Variants in ITGA6 observed in about 807,000 individuals in gnomAD.
ITGA6 encodes the protein integrin alpha-6.
In ITGA6, 63 loss-of-function variants were observed where a neutral mutation model predicts 133.6. The ratio of observed to expected loss-of-function variants is 0.47; its 90% confidence interval spans 0.38 to 0.58. The LOEUF is 0.58. Ranked by LOEUF, ITGA6 falls within the 20% of genes least tolerant of loss-of-function variation. The pLI is 0.00. For missense variants in ITGA6, 1,068 were observed against 1,309.4 expected, an observed-to-expected ratio of 0.82 and a Z score of 2.85; for synonymous variants, 434 against 482.0, an observed-to-expected ratio of 0.90 and a Z score of 1.30.
chr2:172,472,799 C>G, intron 5 of ITGA6: 2 of 1,612,336 alleles, frequency 1.2e-6, no homozygotes, highest in Non-Finnish European at 1.7e-6. Context: ...CCAGCGTTTC[C>G]TATACAGATC....
At chr2:172,440,680 C>A (rs796100364) in intron 1 of ITGA6, among the ~76,000 whole-genome samples, 1 of 152,234 alleles carries the variant, frequency 6.6e-6, no homozygotes, top group South Asian at 2.1e-4. Context: ...TTTTCCAATC[C>A]GGTTAAGGAC....
At chr2:172,435,002 G>A (rs1241400233) in intron 1 of ITGA6, among the ~76,000 whole-genome samples, 3 of 150,790 alleles carry the variant, frequency 2.0e-5, no homozygotes, top group African/African-American at 7.4e-5. Flanking sequence ...TGAAAAGGAA[G>A]TTCATTTGTA....
Position 172,480,040 on chromosome 2 carries a change from A to G in ITGA6, c.1538A>G (p.Asn513Ser), listed in dbSNP as rs1363241248. Residue 513 changes from asparagine to serine, a missense_variant, in exon 11 of 26, where the codon AAT becomes AGT. Physicochemically the swap from Asn to Ser is conservative, Grantham distance 46 (BLOSUM62 1). This residue lies in a region of ITGA6 where 609 missense variants were observed against 707.2 expected (regional missense o/e 0.86). Coordinates refer to ENST00000684293, the MANE Select transcript of ITGA6 (RefSeq NM_000210.4). ...FEYTANPAGY[N>S]PSISIVGTLE... ...TATACTGCTAACCCCGCTGGTTATAATCCTTCAATATGTAAGTACCTAGTA... is the reference window on the plus strand; with the variant it reads ...TATACTGCTAACCCCGCTGGTTATAGTCCTTCAATATGTAAGTACCTAGTA... 1.3e-6 allele frequency: 2 copies of G among 1,557,248 alleles called. No homozygotes were observed. Among genetic ancestry groups the G allele is most frequent in the Admixed American group, 1.7e-5 (1 of 59,966 alleles).
chr2:172,495,175 G>A (rs1348965536), intron 23 of ITGA6, among the ~76,000 whole-genome samples: 1 of 152,206 alleles, frequency 6.6e-6, no homozygotes, highest in African/African-American at 2.4e-5. Context: ...CAGTTGACAA[G>A]CTAATGTAGT....
chr2:172,469,940 A>G (rs1176731329), intron 4 of ITGA6, among the ~76,000 whole-genome samples: 1 of 152,170 alleles, frequency 6.6e-6, no homozygotes, highest in Non-Finnish European at 1.5e-5. Context: ...GATTATTGTG[A>G]TGTGAGTAAA....
Position 172,505,961 on chromosome 2 carries a change from T to TA in ITGA6, c.*1901dup, listed in dbSNP as rs139972066. 0.047 allele frequency: 7,095 copies of TA among 152,358 alleles called. 279 individuals are homozygous for TA. Among genetic ancestry groups the TA allele is most frequent in the East Asian group, 0.22 (1,111 of 5,156 alleles). 9.4% of individuals were successfully genotyped at this position (152,358 alleles called of 1,614,324 possible). Reference sequence around the variant, plus strand: ...GACAGTGTTTTTAGACCTGTGTTACTAAAAAAAAGATGAATGTCCTGAAAA... The same window carrying TA: ...GACAGTGTTTTTAGACCTGTGTTACTAAAAAAAAAGATGAATGTCCTGAAAA... On this transcript the variant is annotated 3_prime_UTR_variant, in exon 26 of 26. Coordinates refer to ENST00000684293, the MANE Select transcript of ITGA6 (RefSeq NM_000210.4).
intron 6 of ITGA6, among the ~76,000 whole-genome samples, chr2:172,474,621 G>A (rs548616400): frequency 1.3e-5 from 2 of 152,330 alleles, no homozygotes; most frequent in East Asian, 1.9e-4. Context: ...AGGAATTGGT[G>A]ATAAAGTAAA....
At chr2:172,450,512 T>A (rs2149015404) in intron 1 of ITGA6, among the ~76,000 whole-genome samples, 1 of 152,282 alleles carries the variant, frequency 6.6e-6, no homozygotes, top group East Asian at 1.9e-4. Flanking sequence ...GGAAAGGAAC[T>A]ACTGAGAAGT....
At chr2:172,443,339 TA>T (rs1298754807) in intron 1 of ITGA6, among the ~76,000 whole-genome samples, 1 of 152,248 alleles carries the variant, frequency 6.6e-6, no homozygotes, top group African/African-American at 2.4e-5. Flanking sequence ...GGTATTCAGA[TA>T]ATTTCTAATC....
chr2:172,497,939 G>A lies in ITGA6; in HGVS notation c.2989-36G>A, dbSNP rs745631576. On this transcript the variant is annotated intron_variant, in intron 23 of 25. Coordinates refer to ENST00000684293, the MANE Select transcript of ITGA6 (RefSeq NM_000210.4). ...ACTCCTGGTGTGAACTCTTGCCGCTGTATGTAGTAATGCTGCTTTCTTTTC... is the reference window on the plus strand; with the variant it reads ...ACTCCTGGTGTGAACTCTTGCCGCTATATGTAGTAATGCTGCTTTCTTTTC... The A allele has an allele frequency of 9.3e-6, 15 of 1,612,604 alleles. No individual in the cohort carries two copies. The South Asian group carries it at 1.5e-4, about 17-fold the overall frequency.
intron 1 of ITGA6, among the ~76,000 whole-genome samples, chr2:172,463,941 C>T (rs1048209620): frequency 2.1e-4 from 32 of 152,230 alleles, no homozygotes; most frequent in African/African-American, 6.3e-4. Context: ...GTGGCCCCGG[C>T]CTTGCCTCTG....
Position 172,489,562 on chromosome 2 carries a change from T to G in ITGA6, c.2583T>G (p.Asn861Lys). ...TTCAGTGGCCAAAAGAAATTAGCAA[T>G]GGGAAATGGTTGCTTTATTTGGTGA... ...LNIQWPKEISNGKWLLYLVKV... is the reference protein window; with the variant it reads ...LNIQWPKEISKGKWLLYLVKV... Residue 861 changes from asparagine to lysine, a missense_variant, in exon 20 of 26, where the codon AAT becomes AAG. Around this residue, in one of 3 missense-constraint regions of ITGA6, gnomAD observed 609 missense variants for 707.2 expected, o/e 0.86. Transcript: ENST00000684293. The G allele has an allele frequency of 1.9e-6, 3 of 1,613,906 alleles. No individual in the cohort carries two copies. Among genetic ancestry groups the G allele is most frequent in the Non-Finnish European group, 1.7e-6 (2 of 1,179,828 alleles).
rs201690159 is a variant in ITGA6 at position 172,495,020 on chromosome 2, A to G, written c.2989-2955A>G. Reference sequence around the variant, plus strand: ...TTTATAAGATGGCCTGTTATATGATAAACACCAAGAGTGGATGATGTCCTT... The same window carrying G: ...TTTATAAGATGGCCTGTTATATGATGAACACCAAGAGTGGATGATGTCCTT... On this transcript the variant is annotated intron_variant, in intron 23 of 25. Transcript: ENST00000684293. Among the ~76,000 whole-genome samples the G allele has an allele frequency of 1.2e-4, 18 of 152,356 alleles. No homozygotes were observed. In the East Asian group the frequency reaches 3.1e-3, roughly 26 times the overall value.
intron 1 of ITGA6, among the ~76,000 whole-genome samples, chr2:172,443,759 A>G (rs1256138992): frequency 6.6e-6 from 1 of 152,192 alleles, no homozygotes; most frequent in Non-Finnish European, 1.5e-5. Context: ...TGAGTTTACA[A>G]AGTTACTTGA....
At chr2:172,439,497 C>T (rs1312932008) in intron 1 of ITGA6, among the ~76,000 whole-genome samples, 3 of 151,802 alleles carry the variant, frequency 2.0e-5, no homozygotes, top group Non-Finnish European at 4.4e-5. Flanking sequence ...CATACATTCC[C>T]CTGGTGTGCT....
Position 172,465,362 on chromosome 2 carries a change from C to A in ITGA6, c.183-177C>A, listed in dbSNP as rs142374190. ...CTTCCCCTGTTTAGTTGTGTTTGTG[C>A]GTTTTGCATGAACCAGCCATAGGAC... On this transcript the variant is annotated intron_variant, in intron 1 of 25. Coordinates refer to ENST00000684293, the MANE Select transcript of ITGA6 (RefSeq NM_000210.4). 9.2e-5 allele frequency: 68 copies of A among 735,704 alleles called. 1 individual carries two copies. In the East Asian group the frequency reaches 1.4e-3, roughly 15 times the overall value. The allele number at this position is 735,704 out of a possible 1,614,324, so 45.6% of individuals were successfully genotyped here. A position where few individuals can be genotyped will look rare whatever the true frequency, so the allele number is the denominator to read the frequency against.
At position 172,470,834 on chromosome 2, in the gene ITGA6, T is replaced by G. The variant is rs1685894161; in HGVS notation, c.644-140T>G. ...CAAATGTATTTTACAACCATAAAAG[T>G]CATCTCTGTCCTTCCTTTTTTTCCT... is the stretch of plus-strand genomic sequence containing the variant. On this transcript the variant is annotated intron_variant, in intron 4 of 25. Transcript: ENST00000684293. The G allele has an allele frequency of 6.4e-6, 5 of 775,662 alleles. 1 individual carries two copies. In the South Asian group the frequency reaches 8.4e-5, roughly 13 times the overall value. The allele number at this position is 775,662 out of a possible 1,614,324, so 48.0% of individuals were successfully genotyped here.
intron 1 of ITGA6, among the ~76,000 whole-genome samples, chr2:172,444,630 T>C (rs1194713912): frequency 9.1e-6 from 1 of 110,262 alleles, no homozygotes; most frequent in Non-Finnish European, 1.7e-5. Flanking sequence ...CCCAAAACAC[T>C]TGTAGTCCCA....
At chr2:172,477,234 G>T (rs114213751) in intron 9 of ITGA6, among the ~76,000 whole-genome samples, 38 of 152,056 alleles carry the variant, frequency 2.5e-4, no homozygotes, top group African/African-American at 8.9e-4. Flanking sequence ...CTTTTGATTC[G>T]GTTTCGCCAA....
Sources: gnomAD v4.1 joint callset for allele counts (sites outside exome capture counted in the v4.1 genomes callset) on GRCh38, gnomAD v4.1.1 for gene constraint, gnomAD v4.1.1 regional missense constraint, MANE v1.5 for transcripts, NCBI Gene and HGNC (gene_info 2026-07-23, HGNC 2026-07-21) for gene names.